Variants in NAA35 observed in about 807,000 individuals in gnomAD.
The protein encoded by NAA35 is N-alpha-acetyltransferase 35, NatC auxiliary subunit.
In NAA35, 18 loss-of-function variants were observed where a neutral mutation model predicts 101.7. The observed-to-expected ratio is 0.18, with a 90% CI of 0.12 to 0.26. The LOEUF (loss-of-function observed/expected upper bound fraction) is 0.26, where lower values mean the gene tolerates loss of function less well. Ranked by LOEUF, NAA35 falls within the 10% of genes least tolerant of loss-of-function variation. The pLI, the probability that NAA35 is intolerant of heterozygous loss-of-function variation, is 1.00. For synonymous variants in NAA35, 267 were observed against 273.1 expected, an observed-to-expected ratio of 0.98 and a Z score of 0.22; for missense variants, 601 against 886.8, an observed-to-expected ratio of 0.68 and a Z score of 4.09.
intron 13 of NAA35, among the ~76,000 whole-genome samples, chr9:86,006,941 G>C (rs937954818): frequency 6.6e-6 from 1 of 151,872 alleles, no homozygotes; most frequent in African/African-American, 2.4e-5. Context: ...TTCATGTTCA[G>C]AAATGAACAT....
intron 15 of NAA35, among the ~76,000 whole-genome samples, chr9:86,011,780 ATATATAT>A (rs1026054990): frequency 1.6e-4 from 23 of 146,338 alleles, no homozygotes; most frequent in African/African-American, 5.7e-4. Context: ...CAGTTACTAA[ATATATAT>A]TATATATAAT....
At chr9:85,998,652 C>T (rs1587639585) in intron 12 of NAA35, among the ~76,000 whole-genome samples, 1 of 152,012 alleles carries the variant, frequency 6.6e-6, no homozygotes, top group Non-Finnish European at 1.5e-5. Context: ...TTTTTCTCTC[C>T]TGTACCCACT....
chr9:85,996,320 A>G (rs1216219263), intron 11 of NAA35, 79 bp from the exon 12 acceptor site: 33 of 967,498 alleles, frequency 3.4e-5, no homozygotes, highest in Middle Eastern at 3.0e-4. Flanking sequence ...TTAAACTGGC[A>G]TTTTTATATT....
In NAA35 at chr9:86,015,359, AT is replaced by A. The variant is rs1832156473; in HGVS notation, c.1569-1178del. ...TTTTGAACTGCTTTTTAATTTCAAAATTACAGATTGGGCTCCTGCATTTCCC... is the reference window on the plus strand; with the variant it reads ...TTTTGAACTGCTTTTTAATTTCAAAATACAGATTGGGCTCCTGCATTTCCC... On this transcript the variant is annotated intron_variant, in intron 17 of 22. Transcript: ENST00000361671. Among the ~76,000 whole-genome samples, 6 of 152,160 alleles carry A rather than the reference AT, an allele frequency of 3.9e-5. No homozygotes were observed. The South Asian group carries it at 1.2e-3, about 32-fold the overall frequency.
chr9:85,944,669 G>A (rs1267637423), intron 2 of NAA35, among the ~76,000 whole-genome samples: 2 of 152,112 alleles, frequency 1.3e-5, no homozygotes, highest in Non-Finnish European at 2.9e-5. Flanking sequence ...TGATTCATAG[G>A]TACAAGATAT....
At chr9:85,975,502 T>C (rs7873871) in intron 8 of NAA35, among the ~76,000 whole-genome samples, 110,427 of 152,016 alleles carry the variant, frequency 0.73, 40,738 homozygotes, top group Middle Eastern at 0.81. Flanking sequence ...AACCTGTTCA[T>C]GTCCTTCTGT....
chr9:85,976,184 C>G (rs543312725), intron 8 of NAA35, among the ~76,000 whole-genome samples: 1 of 152,168 alleles, frequency 6.6e-6, no homozygotes, highest in South Asian at 2.1e-4. Flanking sequence ...TCTAGTAGAT[C>G]TTCCTGTAGT....
At chr9:85,993,600 A>G (rs553904786) in intron 11 of NAA35, among the ~76,000 whole-genome samples, 46 of 152,198 alleles carry the variant, frequency 3.0e-4, no homozygotes, top group Non-Finnish European at 6.2e-4. Context: ...TGGTAGTTAC[A>G]TGGTTGTACA....
chr9:86,021,767 C>A, intron 22 of NAA35, 134 bp from the exon 23 acceptor site: 1 of 695,408 alleles, frequency 1.4e-6, no homozygotes, highest in Admixed American at 3.2e-5. Flanking sequence ...TGTCATTAAC[C>A]TAGTTTTTAA....
chr9:86,023,293 G>A lies in NAA35; in HGVS notation c.*1333G>A, dbSNP rs28711659. On this transcript the variant is annotated 3_prime_UTR_variant, in exon 23 of 23. Transcript: ENST00000361671. ...GTACAATAGAAACTTCAATTATGGA[G>A]AGACAAAGAGTATACCTGTTACTGA... 4.0e-3 allele frequency among the ~76,000 whole-genome samples: 604 copies of A among 152,280 alleles called. 5 individuals are homozygous for A. The highest frequency in any genetic ancestry group is 0.014 in the African/African-American group (571 of 41,550).
At chr9:85,995,968 G>T (rs1032301455) in intron 11 of NAA35, among the ~76,000 whole-genome samples, 2 of 152,174 alleles carry the variant, frequency 1.3e-5, no homozygotes, top group Non-Finnish European at 2.9e-5. Flanking sequence ...ATATAGCTAA[G>T]TTTGAATGGA....
intron 17 of NAA35, chr9:86,015,770 A>T: frequency 3.1e-6 from 3 of 974,432 alleles, no homozygotes; most frequent in Non-Finnish European, 3.7e-6. Flanking sequence ...CCCTTCACTC[A>T]TGTGTCCTTA....
rs758491378 is a variant in NAA35 at position 86,021,983 on chromosome 9, A to G, written c.*23A>G. Reference sequence around the variant, plus strand: ...TGAGAGAGACTGGGGAGGTGGCCATAAAGGGGCAGAGTCTTCTTTCAGACC... The same window carrying G: ...TGAGAGAGACTGGGGAGGTGGCCATGAAGGGGCAGAGTCTTCTTTCAGACC... On this transcript the variant is annotated 3_prime_UTR_variant, in exon 23 of 23. Transcript: ENST00000361671. The G allele has an allele frequency of 1.6e-5, 25 of 1,600,276 alleles. No homozygotes were observed. In the South Asian group the frequency reaches 2.4e-4, roughly 16 times the overall value.
intron 17 of NAA35, among the ~76,000 whole-genome samples, chr9:86,015,958 A>C (rs1469269065): frequency 6.6e-6 from 1 of 152,046 alleles, no homozygotes; most frequent in African/African-American, 2.4e-5. Flanking sequence ...CAGGGCCAGG[A>C]ATTGTTTACT....
chr9:85,978,343 A>C lies in NAA35; in HGVS notation c.839A>C (p.His280Pro), dbSNP rs1429207032. ...CTTTCTGCCATTCATAATTCATTGC[A>C]TCATGGCATCCAGGCCCAGAATGAT... Reference protein sequence around the residue: ...DLLSAIHNSLHHGIQAQNDTT... With the variant: ...DLLSAIHNSLPHGIQAQNDTT... Residue 280 changes from histidine to proline, a missense_variant, in exon 11 of 23, where the codon CAT becomes CCT. His to Pro is a moderately conservative substitution (Grantham distance 77). This residue lies in a region of NAA35 where 190 missense variants were observed against 223.1 expected (regional missense o/e 0.85). Coordinates refer to ENST00000361671, the MANE Select transcript of NAA35 (RefSeq NM_024635.4). The C allele has an allele frequency of 4.3e-6, 7 of 1,613,068 alleles. No homozygotes were observed. The highest frequency in any genetic ancestry group is 5.9e-6 in the Non-Finnish European group (7 of 1,179,154).
chr9:86,016,009 A>G (rs1158143907), intron 17 of NAA35, among the ~76,000 whole-genome samples: 1 of 151,778 alleles, frequency 6.6e-6, no homozygotes, highest in South Asian at 2.1e-4. Context: ...TATGAAATGC[A>G]TATATATTTT....
rs1385626776 is a variant in NAA35 at position 86,024,588 on chromosome 9, A to G, written c.*2628A>G. Among the ~76,000 whole-genome samples, 1 of 152,166 alleles carries G rather than the reference A, an allele frequency of 6.6e-6. No individual in the cohort carries two copies. ...GAGCAGGTGGAAGAAAGTGGATGAA[A>G]TCAAATGTTTTCAGAGGTACAGCTA... On this transcript the variant is annotated 3_prime_UTR_variant, in exon 23 of 23. Coordinates refer to ENST00000361671, the MANE Select transcript of NAA35 (RefSeq NM_024635.4).
chr9:85,997,454 A>G (rs977764225), intron 12 of NAA35, among the ~76,000 whole-genome samples: 15 of 148,576 alleles, frequency 1.0e-4, no homozygotes, highest in African/African-American at 3.7e-4. Context: ...CTGTCATTCC[A>G]CATCAGCCTC....
chr9:85,960,877 C>T (rs963195260), intron 5 of NAA35, among the ~76,000 whole-genome samples: 11 of 152,110 alleles, frequency 7.2e-5, no homozygotes, highest in South Asian at 2.1e-4. Context: ...GAATGGTAGG[C>T]GTATGACAGG....
Sources: allele counts gnomAD v4.1 joint callset (sites outside exome capture counted in the v4.1 genomes callset), GRCh38; gene constraint gnomAD v4.1.1; regional missense constraint gnomAD v4.1.1; transcripts MANE v1.5; gene names NCBI Gene and HGNC (gene_info 2026-07-23, HGNC 2026-07-21).